The following CFAP92 variants were observed in gnomAD, a reference collection of about 807,000 sequenced individuals.
CFAP92 encodes the protein uncharacterized protein CFAP92.
CFAP92 carries 86 observed loss-of-function variants against 106.3 expected under a neutral mutation model. That is an observed-to-expected ratio of 0.81 (90% CI 0.68 to 0.97). The LOEUF is 0.97. Among genes scored for constraint, CFAP92 ranks in the 50% least tolerant of loss-of-function variants. The pLI, the probability that CFAP92 is intolerant of heterozygous loss-of-function variation, is 0.00. For missense variants in CFAP92, 1,204 were observed against 1,283.8 expected (o/e 0.94, Z 0.95); for synonymous variants, 477 against 506.4 (o/e 0.94, Z 0.78).
At chr3:128,975,142 A>G (rs1258105406) in intron 7 of CFAP92, among the ~76,000 whole-genome samples, 1 of 152,180 alleles carries the variant, frequency 6.6e-6, no homozygotes, top group Non-Finnish European at 1.5e-5. Context: ...ATAAAATAAA[A>G]TAAAAAGAGT....
chr3:128,997,827 T>G (rs1944538503), upstream of CFAP92, among the ~76,000 whole-genome samples: 1 of 152,100 alleles, frequency 6.6e-6, no homozygotes, highest in Admixed American at 6.5e-5. Context: ...TATCTAGGAG[T>G]GGAAGAGTTG....
At chr3:128,948,612 C>A (rs1335161248) in intron 9 of CFAP92, among the ~76,000 whole-genome samples, 1 of 150,688 alleles carries the variant, frequency 6.6e-6, no homozygotes, top group Admixed American at 6.6e-5. Flanking sequence ...TCACTGCAAC[C>A]ACCACCTCCC....
In CFAP92 at chr3:128,993,986, G is replaced by A; in HGVS notation, c.-39C>T. The A allele has an allele frequency of 1.0e-6, 1 of 987,560 alleles. No individual in the cohort carries two copies. The highest frequency in any genetic ancestry group is 1.2e-6 in the Non-Finnish European group (1 of 831,122). 61.2% of individuals were successfully genotyped at this position (987,560 alleles called of 1,614,324 possible). On this transcript the variant is annotated 5_prime_UTR_variant, in exon 1 of 16. Coordinates refer to ENST00000645291, the MANE Select transcript of CFAP92 (RefSeq NM_001394090.1). ...CTCCAGGTGCTGGCGGTACCTGCGA[G>A]CGGATGCGCTGGGCGGCAGCGGGGA...
intron 4 of CFAP92, among the ~76,000 whole-genome samples, chr3:128,979,347 G>A (rs1943369272): frequency 6.6e-6 from 1 of 152,218 alleles, no homozygotes; most frequent in African/African-American, 2.4e-5. Flanking sequence ...CACTGTTGGT[G>A]GGACTGTAAA....
intron 9 of CFAP92, among the ~76,000 whole-genome samples, chr3:128,959,632 A>G (rs1941717277): frequency 6.6e-6 from 1 of 152,206 alleles, no homozygotes; most frequent in Admixed American, 6.5e-5. Context: ...ATGAGTGAGC[A>G]TCCCGCTGGC....
At chr3:129,012,882 A>T in the CFAP92 span, among the ~76,000 whole-genome samples, 6 of 152,146 alleles carry the variant, frequency 3.9e-5, no homozygotes, top group Non-Finnish European at 8.8e-5. Flanking sequence ...GGCATTGGGC[A>T]TTTTTTTATG....
At chr3:129,019,246 T>C in the CFAP92 span, among the ~76,000 whole-genome samples, 1 of 152,200 alleles carries the variant, frequency 6.6e-6, no homozygotes, top group Non-Finnish European at 1.5e-5. Context: ...GGATATTCTT[T>C]TGTTTTAATT....
At chr3:128,995,172 G>A (rs1163298821), upstream of CFAP92, among the ~76,000 whole-genome samples, 1 of 152,204 alleles carries the variant, frequency 6.6e-6, no homozygotes. Context: ...GACCTACTTT[G>A]TGTCAAAGAG....
At chr3:128,979,819 G>C (rs1576609980) in intron 4 of CFAP92, among the ~76,000 whole-genome samples, 2 of 151,850 alleles carry the variant, frequency 1.3e-5, no homozygotes, top group East Asian at 1.9e-4. Context: ...AAGGGGGACG[G>C]ATAGCATTAG....
chr3:128,961,648 A>T (rs1417191877), intron 9 of CFAP92, among the ~76,000 whole-genome samples: 1 of 152,060 alleles, frequency 6.6e-6, no homozygotes, highest in Non-Finnish European at 1.5e-5. Context: ...AAATATAAAA[A>T]CCCAACCCAG....
chr3:128,996,670 CTTG>C (rs1363512308), upstream of CFAP92, among the ~76,000 whole-genome samples: 9 of 152,364 alleles, frequency 5.9e-5, no homozygotes, highest in African/African-American at 1.4e-4. Flanking sequence ...CAAACAAACA[CTTG>C]TTATTTCTCA....
chr3:128,960,763 G>A (rs138533502), intron 9 of CFAP92, among the ~76,000 whole-genome samples: 6,347 of 152,096 alleles, frequency 0.042, 404 homozygotes, highest in African/African-American at 0.14. Context: ...CACCCTCAGC[G>A]GCAAGTCCCG....
At position 128,993,087 on chromosome 3, in the gene CFAP92, A is replaced by G. The variant is rs1348225574; in HGVS notation, c.218T>C (p.Val73Ala). The change falls in exon 2 of 16, where the codon GTC becomes GCC. Residue 73 changes from valine to alanine, a missense_variant. Coordinates refer to ENST00000645291, the MANE Select transcript of CFAP92 (RefSeq NM_001394090.1). ...CAGTGAGATGGTGAATTTGCAGGGG[A>G]CCACGTGGGGCACGTCGGAGCTGAA... ...STFSSDVPHV[V>A]PCKFTISLAF... 6.2e-7 allele frequency: 1 copy of G among 1,614,056 alleles called. No individual in the cohort carries two copies. The highest frequency in any genetic ancestry group is 1.1e-5 in the South Asian group (1 of 91,090).
At chr3:128,929,498 A>G (rs1334241108) in intron 12 of CFAP92, among the ~76,000 whole-genome samples, 1 of 152,242 alleles carries the variant, frequency 6.6e-6, no homozygotes, top group Non-Finnish European at 1.5e-5. Context: ...CAATATTTAT[A>G]ATAGCCCCAA....
At chr3:128,970,571 TTACCAAAATATA>T (rs1271622637) in intron 8 of CFAP92, 1 of 152,214 alleles carries the variant, frequency 6.6e-6, no homozygotes, top group Non-Finnish European at 1.5e-5. Flanking sequence ...CAACATAATT[TTACCAAAATATA>T]TGCTGAGCTT....
intron 9 of CFAP92, among the ~76,000 whole-genome samples, chr3:128,946,800 C>T (rs984542623): frequency 3.3e-5 from 5 of 151,724 alleles, no homozygotes; most frequent in African/African-American, 7.3e-5. Flanking sequence ...TCACAGAACA[C>T]GTAAAGACAA....
chr3:128,985,520 T>C (rs1943797430), intron 4 of CFAP92, among the ~76,000 whole-genome samples: 2 of 152,150 alleles, frequency 1.3e-5, no homozygotes, highest in Admixed American at 1.3e-4. Flanking sequence ...TCTCCTTCCT[T>C]TTCTGGCCAC....
At chr3:128,940,655 G>C (rs1358106114) in intron 10 of CFAP92, among the ~76,000 whole-genome samples, 1 of 152,094 alleles carries the variant, frequency 6.6e-6, no homozygotes, top group Non-Finnish European at 1.5e-5. Flanking sequence ...CTTATGTGTA[G>C]GTCTGTTTCT....
At chr3:129,009,346 A>G in the CFAP92 span, among the ~76,000 whole-genome samples, 1 of 152,148 alleles carries the variant, frequency 6.6e-6, no homozygotes, top group Non-Finnish European at 1.5e-5. Context: ...TGTTACCACG[A>G]TATACTGAAG....
Sources: allele counts gnomAD v4.1 joint callset (sites outside exome capture counted in the v4.1 genomes callset), GRCh38; gene constraint gnomAD v4.1.1; transcripts MANE v1.5; gene names NCBI Gene and HGNC (gene_info 2026-07-23, HGNC 2026-07-21).